SAMSN1: variants seen among roughly 807,000 people sequenced by gnomAD.
SAMSN1 encodes SAM domain, SH3 domain and nuclear localization signals 1, also known as SAM domain-containing protein SAMSN-1.
Under a neutral mutation model 42.0 loss-of-function variants are expected in SAMSN1, and 31 were observed. The ratio of observed to expected loss-of-function variants is 0.74; its 90% CI spans 0.55 to 1.00. The LOEUF is 1.00. SAMSN1 is among the 50% of genes least tolerant of loss of function. The probability of loss-of-function intolerance (pLI) is 0.00; values close to 1 mark genes in which losing one functional copy is unlikely to be tolerated. For synonymous variants in SAMSN1, 178 were observed against 151.9 expected (o/e 1.17, Z -1.26); for missense variants, 464 against 439.4 (o/e 1.06, Z -0.50).
chr21:14,581,957 A>T (rs1981745159), intron 2 of SAMSN1, among the ~76,000 whole-genome samples: 1 of 152,216 alleles, frequency 6.6e-6, no homozygotes, highest in South Asian at 2.1e-4. Context: ...GGAATATATG[A>T]AATGTTAATA....
At chr21:14,536,970 C>A (rs2822758) in intron 1 of SAMSN1, among the ~76,000 whole-genome samples, 27,024 of 152,222 alleles carry the variant, frequency 0.18, 3,307 homozygotes, top group East Asian at 0.38. Flanking sequence ...CCACAGTTAT[C>A]CCTTGCCTGG....
intron 7 of SAMSN1, among the ~76,000 whole-genome samples, chr21:14,589,726 A>G (rs969860543): frequency 1.3e-5 from 2 of 152,114 alleles, no homozygotes; most frequent in Non-Finnish European, 1.5e-5. Flanking sequence ...TACTCCACTA[A>G]TGAAAAGATA....
chr21:14,552,498 C>T (rs1486719862), intron 2 of SAMSN1, among the ~76,000 whole-genome samples: 2 of 152,060 alleles, frequency 1.3e-5, no homozygotes, highest in African/African-American at 4.8e-5. Flanking sequence ...CCTTCACTCC[C>T]ACTTTTCCAC....
At chr21:14,508,126 C>A (rs1165056034) in intron 5 of SAMSN1, among the ~76,000 whole-genome samples, 2 of 152,158 alleles carry the variant, frequency 1.3e-5, no homozygotes, top group Non-Finnish European at 1.5e-5. Flanking sequence ...ATTGGAAAAA[C>A]CTTTCTAGAC....
chr21:14,640,317 G>A (rs1455897626), intron 2 of SAMSN1, among the ~76,000 whole-genome samples: 4 of 152,080 alleles, frequency 2.6e-5, no homozygotes, highest in African/African-American at 9.7e-5. Flanking sequence ...TGTATTGTCA[G>A]TTTGGTTCTA....
intron 2 of SAMSN1, among the ~76,000 whole-genome samples, chr21:14,520,913 C>T (rs967374003): frequency 6.6e-6 from 1 of 152,014 alleles, no homozygotes; most frequent in Non-Finnish European, 1.5e-5. Flanking sequence ...ATACCCTGCC[C>T]TACTCACCCT....
At chr21:14,520,821 T>C (rs548510395) in intron 2 of SAMSN1, among the ~76,000 whole-genome samples, 2 of 151,990 alleles carry the variant, frequency 1.3e-5, no homozygotes, top group African/African-American at 2.4e-5. Context: ...TAGCCTGGGA[T>C]TCAATCTGTA....
At chr21:14,579,645 T>A (rs1274290300) in intron 2 of SAMSN1, among the ~76,000 whole-genome samples, 1 of 119,604 alleles carries the variant, frequency 8.4e-6, no homozygotes, top group East Asian at 2.4e-4. Flanking sequence ...TGCTCACTTT[T>A]TTTTTTTTTT....
intron 2 of SAMSN1, among the ~76,000 whole-genome samples, chr21:14,628,508 T>A (rs1432296784): frequency 6.6e-6 from 1 of 152,092 alleles, no homozygotes; most frequent in Admixed American, 6.6e-5. Context: ...ATCAGAGAGA[T>A]GAAAAAATAT....
intron 5 of SAMSN1, among the ~76,000 whole-genome samples, chr21:14,503,963 G>A (rs1265977660): frequency 1.3e-5 from 2 of 152,108 alleles, no homozygotes; most frequent in South Asian, 4.1e-4. Context: ...CCAGCCTGGA[G>A]CCTGGTAGAC....
At chr21:14,603,167 T>TG (rs1346444190) in intron 5 of SAMSN1, among the ~76,000 whole-genome samples, 1 of 151,620 alleles carries the variant, frequency 6.6e-6, no homozygotes, top group Non-Finnish European at 1.5e-5. Context: ...GTTTCTGAAC[T>TG]GGGAAAAAAA....
chr21:14,493,064 G>A lies in SAMSN1; in HGVS notation c.919+5378C>T, dbSNP rs185987787. Among the ~76,000 whole-genome samples, 260 of 152,308 alleles carry A rather than the reference G, an allele frequency of 1.7e-3. 1 individual carries two copies. The highest frequency in any genetic ancestry group is 9.3e-4 in the Non-Finnish European group (63 of 68,032). On this transcript the variant is annotated intron_variant, in intron 7 of 7. Coordinates refer to ENST00000400566, the MANE Select transcript of SAMSN1 (RefSeq NM_022136.5). The stretch of plus-strand genomic sequence containing the variant: ...TACAAATCTCCCCTGCTGACAGCTC[G>A]TGTTCCAGGCTCCTGGCTGCGGCCC...
In SAMSN1 at chr21:14,650,236, A is replaced by G. The variant is rs1036420284; in HGVS notation, c.25-7103T>C. 3.9e-5 allele frequency among the ~76,000 whole-genome samples: 6 copies of G among 152,200 alleles called. No individual in the cohort carries two copies. In the East Asian group the frequency reaches 5.8e-4, roughly 15 times the overall value. On this transcript the variant is annotated intron_variant, in intron 1 of 15. Coordinates refer to the SAMSN1 transcript ENST00000647101. ...ACATTTCAGCCAAAAGCTGCAGAAT[A>G]CTCATTCTTTTCCCTAGAAAGTGGA...
chr21:14,487,837 T>C (rs1489889154), intron 7 of SAMSN1, among the ~76,000 whole-genome samples: 1 of 152,180 alleles, frequency 6.6e-6, no homozygotes, highest in Non-Finnish European at 1.5e-5. Flanking sequence ...AGATATAAGA[T>C]GACAATTTTA....
intron 1 of SAMSN1, among the ~76,000 whole-genome samples, chr21:14,530,359 G>A (rs1478945264): frequency 1.8e-5 from 2 of 110,552 alleles, no homozygotes; most frequent in East Asian, 3.3e-4. Flanking sequence ...CACCAAATCC[G>A]AAGATTGTGA....
intron 1 of SAMSN1, chr21:14,643,174 A>T: frequency 2.8e-6 from 2 of 709,844 alleles, no homozygotes; most frequent in Non-Finnish European, 5.2e-6. Context: ...TAACAGAATA[A>T]TAATTTTCCT....
intron 2 of SAMSN1, among the ~76,000 whole-genome samples, chr21:14,638,020 A>G (rs1424184340): frequency 6.6e-6 from 1 of 152,194 alleles, no homozygotes; most frequent in Non-Finnish European, 1.5e-5. Flanking sequence ...TGGACATAGT[A>G]GACTTCCCCT....
intron 1 of SAMSN1, among the ~76,000 whole-genome samples, chr21:14,535,152 T>TA (rs1364018660): frequency 6.6e-6 from 1 of 152,228 alleles, no homozygotes; most frequent in Non-Finnish European, 1.5e-5. Flanking sequence ...GGTATTTTTA[T>TA]AAAACACCCC....
At chr21:14,501,217 T>C (rs1013230372) in intron 5 of SAMSN1, among the ~76,000 whole-genome samples, 2 of 152,210 alleles carry the variant, frequency 1.3e-5, no homozygotes, top group African/African-American at 4.8e-5. Flanking sequence ...AGCTCTCACA[T>C]AGTTTGATGA....
Sources: allele counts gnomAD v4.1 joint callset (sites outside exome capture counted in the v4.1 genomes callset), GRCh38; gene constraint gnomAD v4.1.1; transcripts MANE v1.5; gene names NCBI Gene and HGNC (gene_info 2026-07-23, HGNC 2026-07-21).